Variants in NRXN3 observed in about 807,000 individuals in gnomAD.
The protein encoded by NRXN3 is neurexin III.
Under a neutral mutation model 137.6 loss-of-function variants are expected in NRXN3, and 32 were observed. The ratio of observed to expected loss-of-function variants is 0.23; its 90% CI spans 0.18 to 0.31. The LOEUF is 0.31. Ranked by LOEUF, NRXN3 falls within the 10% of genes least tolerant of loss-of-function variation. NRXN3 has a pLI of 1.00. For synonymous variants in NRXN3, 798 were observed against 784.5 expected, an observed-to-expected ratio of 1.02 and a Z score of -0.29; for missense variants, 1,574 against 2,062.5, an observed-to-expected ratio of 0.76 and a Z score of 4.59.
At chr14:78,780,217 C>A (rs886425720) in intron 8 of NRXN3, among the ~76,000 whole-genome samples, 8 of 152,028 alleles carry the variant, frequency 5.3e-5, no homozygotes, top group African/African-American at 1.9e-4. Context: ...AATAAACAAA[C>A]TAGTCAACCT....
intron 4 of NRXN3, among the ~76,000 whole-genome samples, chr14:78,395,062 A>C (rs1196779808): frequency 1.3e-5 from 2 of 151,132 alleles, no homozygotes; most frequent in African/African-American, 4.9e-5. Flanking sequence ...TACTTTCATT[A>C]GTTGTTGCTT....
At chr14:79,651,421 G>A (rs1012061343) in intron 16 of NRXN3, among the ~76,000 whole-genome samples, 4 of 152,122 alleles carry the variant, frequency 2.6e-5, no homozygotes, top group Admixed American at 1.3e-4. Context: ...AGAATGCAAA[G>A]GTGCTTTCAC....
At chr14:78,220,234 G>A (rs1330453022) in intron 1 of NRXN3, among the ~76,000 whole-genome samples, 1 of 152,166 alleles carries the variant, frequency 6.6e-6, no homozygotes, top group East Asian at 1.9e-4. Flanking sequence ...AGAGGGTCAA[G>A]GAGAGTGGGT....
At chr14:78,716,382 A>G (rs1319788274) in intron 8 of NRXN3, among the ~76,000 whole-genome samples, 1 of 152,238 alleles carries the variant, frequency 6.6e-6, no homozygotes, top group Admixed American at 6.5e-5. Context: ...TGCTAAGGGT[A>G]TAGCTCTAGG....
chr14:79,356,737 CT>C (rs983574209), intron 15 of NRXN3, among the ~76,000 whole-genome samples: 1 of 151,506 alleles, frequency 6.6e-6, no homozygotes, highest in African/African-American at 2.4e-5. Context: ...ACTTTTTTTT[CT>C]TTTTTTTGAA....
intron 15 of NRXN3, among the ~76,000 whole-genome samples, chr14:79,265,328 C>T (rs2078303051): frequency 1.4e-5 from 2 of 144,220 alleles, no homozygotes; most frequent in Non-Finnish European, 3.0e-5. Context: ...AGTTTCTTGT[C>T]ATTTTTATTT....
intron 4 of NRXN3, among the ~76,000 whole-genome samples, chr14:78,306,028 G>C (rs1239923677): frequency 6.6e-6 from 1 of 152,064 alleles, no homozygotes; most frequent in Non-Finnish European, 1.5e-5. Context: ...TTCTTGTTTA[G>C]AAATTTTGAC....
chr14:78,206,965 G>A (rs1490307503), intron 1 of NRXN3, among the ~76,000 whole-genome samples: 1 of 152,078 alleles, frequency 6.6e-6, no homozygotes, highest in African/African-American at 2.4e-5. Flanking sequence ...CCGGGTTCAA[G>A]CAATTCTCCT....
chr14:78,927,975 T>G (rs967919006), intron 10 of NRXN3, among the ~76,000 whole-genome samples: 1 of 152,152 alleles, frequency 6.6e-6, no homozygotes, highest in Non-Finnish European at 1.5e-5. Context: ...GCTCAAGACA[T>G]GAGGGCTAGA....
intron 15 of NRXN3, among the ~76,000 whole-genome samples, chr14:79,075,430 T>C (rs1327282076): frequency 1.3e-5 from 2 of 152,202 alleles, no homozygotes; most frequent in African/African-American, 4.8e-5. Flanking sequence ...AAATATTAGT[T>C]AGGAAAATGA....
intron 6 of NRXN3, among the ~76,000 whole-genome samples, chr14:78,684,036 C>G (rs2098102732): frequency 6.6e-6 from 1 of 152,172 alleles, no homozygotes; most frequent in Non-Finnish European, 1.5e-5. Flanking sequence ...AAGATTCTCA[C>G]TTTTCTACTT....
At chr14:78,691,601 C>G (rs1365050118) in intron 6 of NRXN3, among the ~76,000 whole-genome samples, 5 of 151,988 alleles carry the variant, frequency 3.3e-5, no homozygotes, top group Admixed American at 1.3e-4. Flanking sequence ...TTTCTTTTTT[C>G]TTTTTTGCAC....
intron 4 of NRXN3, among the ~76,000 whole-genome samples, chr14:78,504,603 G>C (rs992943293): frequency 6.6e-6 from 1 of 152,102 alleles, no homozygotes. Context: ...TCTGATAAAG[G>C]TAGCCCTCAA....
chr14:79,376,236 A>G (rs866307449), intron 15 of NRXN3, among the ~76,000 whole-genome samples: 26 of 90,472 alleles, frequency 2.9e-4, no homozygotes, highest in African/African-American at 7.2e-4. Context: ...ATATATATAT[A>G]TATATATATA....
At chr14:78,462,269 C>T (rs1327356903) in intron 4 of NRXN3, among the ~76,000 whole-genome samples, 5 of 152,216 alleles carry the variant, frequency 3.3e-5, no homozygotes, top group African/African-American at 1.2e-4. Context: ...AAAGTAGCTG[C>T]TTTCCCTCCT....
Position 79,069,389 on chromosome 14 carries a change from G to C in NRXN3, c.3262+81248G>C, listed in dbSNP as rs1034542565. Reference sequence around the variant, plus strand: ...TTAATTAATTCAATAACTATTTGCTGATCTGAACAAAGTGGACAAAAAACC... The same window carrying C: ...TTAATTAATTCAATAACTATTTGCTCATCTGAACAAAGTGGACAAAAAACC... On this transcript the variant is annotated intron_variant, in intron 15 of 20. Coordinates refer to ENST00000335750, the MANE Select transcript of NRXN3 (RefSeq NM_001330195.2). Among the ~76,000 whole-genome samples, 4 of 151,918 alleles carry C rather than the reference G, an allele frequency of 2.6e-5. No homozygotes were observed. The East Asian group carries it at 7.7e-4, about 29-fold the overall frequency.
rs1198641579 is a variant in NRXN3 at position 79,865,865 on chromosome 14, T to G, written c.*3901T>G. 2.0e-5 allele frequency: 3 copies of G among 152,202 alleles called. No individual in the cohort carries two copies. Among genetic ancestry groups the G allele is most frequent in the Non-Finnish European group, 1.5e-5 (1 of 68,044 alleles). 9.4% of individuals were successfully genotyped at this position (152,202 alleles called of 1,614,324 possible). A position where few individuals can be genotyped will look rare whatever the true frequency, so the allele number is the denominator to read the frequency against. Reference sequence around the variant, plus strand: ...GTTGGCAAGGCTGGTCTCGAACTCCTTACTTCAAGTGATCCACCCACCTTG... The same window carrying G: ...GTTGGCAAGGCTGGTCTCGAACTCCGTACTTCAAGTGATCCACCCACCTTG... On this transcript the variant is annotated 3_prime_UTR_variant, in exon 21 of 21. Coordinates refer to ENST00000335750, the MANE Select transcript of NRXN3 (RefSeq NM_001330195.2).
chr14:79,215,385 G>A (rs2068320481), intron 15 of NRXN3, among the ~76,000 whole-genome samples: 1 of 146,114 alleles, frequency 6.8e-6, no homozygotes, highest in Admixed American at 7.1e-5. Flanking sequence ...AAGTTGTGGA[G>A]TTGGGGTGTG....
At chr14:79,418,242 GC>G (rs779598998) in intron 15 of NRXN3, among the ~76,000 whole-genome samples, 15 of 152,180 alleles carry the variant, frequency 9.9e-5, no homozygotes, top group Non-Finnish European at 1.9e-4. Flanking sequence ...TTAGAGGGGT[GC>G]TGACCTTACT....
Sources: allele counts gnomAD v4.1 joint callset (sites outside exome capture counted in the v4.1 genomes callset), GRCh38; gene constraint gnomAD v4.1.1; transcripts MANE v1.5; gene names NCBI Gene and HGNC (gene_info 2026-07-23, HGNC 2026-07-21).